Variants in LRRC4C observed in about 807,000 individuals in gnomAD.
The protein encoded by LRRC4C is leucine rich repeat containing 4C.
In LRRC4C, 5 loss-of-function variants were observed where a neutral mutation model predicts 33.6. The observed-to-expected ratio is 0.15, with a 90% CI of 0.08 to 0.31. The LOEUF is 0.31. Among genes scored for constraint, LRRC4C ranks in the 10% least tolerant of loss-of-function variants. LRRC4C has a pLI of 1.00. For synonymous variants in LRRC4C, 329 were observed against 302.0 expected, an observed-to-expected ratio of 1.09 and a Z score of -0.93; for missense variants, 560 against 796.7, an observed-to-expected ratio of 0.70 and a Z score of 3.58.
rs113384392 is a variant in LRRC4C, at chr11:40,135,029, C to T, written c.-43+5772G>A. Among the ~76,000 whole-genome samples, 1,294 of 152,216 alleles carry T rather than the reference C, an allele frequency of 8.5e-3. 19 individuals are homozygous for T. The highest frequency in any genetic ancestry group is 0.029 in the African/African-American group (1,211 of 41,528). On this transcript the variant is annotated intron_variant, in intron 6 of 6. Transcript: ENST00000528697. ...GACTCTTTCTGTGATTTCCAGGCAA[C>T]GTCATTTAATCAGAATGCAGATAGC... is the stretch of plus-strand genomic sequence containing the variant.
intron 5 of LRRC4C, among the ~76,000 whole-genome samples, chr11:40,171,667 C>A (rs569825768): frequency 6.6e-6 from 1 of 152,108 alleles, no homozygotes; most frequent in Non-Finnish European, 1.5e-5. Context: ...ACACTATATG[C>A]GGCAGAAGGA....
intron 1 of LRRC4C, among the ~76,000 whole-genome samples, chr11:41,243,753 A>G (rs1285265684): frequency 6.6e-6 from 1 of 152,126 alleles, no homozygotes; most frequent in African/African-American, 2.4e-5. Flanking sequence ...AAGTTTTCTG[A>G]AAGAATTTGG....
At chr11:41,096,414 A>G (rs1467745862) in intron 1 of LRRC4C, among the ~76,000 whole-genome samples, 1 of 152,200 alleles carries the variant, frequency 6.6e-6, no homozygotes, top group African/African-American at 2.4e-5. Context: ...AGAGCCATCA[A>G]TCCCATCAGA....
chr11:40,945,801 A>G (rs11036154), intron 1 of LRRC4C, among the ~76,000 whole-genome samples: 6 of 151,946 alleles, frequency 3.9e-5, no homozygotes, highest in Non-Finnish European at 7.4e-5. Flanking sequence ...AGTACAAACC[A>G]CACCATCAGA....
At chr11:41,345,930 A>G (rs932418157) in intron 1 of LRRC4C, among the ~76,000 whole-genome samples, 3 of 152,010 alleles carry the variant, frequency 2.0e-5, no homozygotes, top group Admixed American at 6.6e-5. Context: ...AAAAATGAAG[A>G]GTGAGCTTAA....
chr11:40,555,930 C>A (rs563057453), intron 3 of LRRC4C, among the ~76,000 whole-genome samples: 1 of 152,002 alleles, frequency 6.6e-6, no homozygotes, highest in Non-Finnish European at 1.5e-5. Context: ...TTTCAATGTT[C>A]CTTATTTTAT....
intron 3 of LRRC4C, among the ~76,000 whole-genome samples, chr11:40,432,365 TATA>T (rs1317945671): frequency 6.6e-6 from 1 of 152,206 alleles, no homozygotes; most frequent in Non-Finnish European, 1.5e-5. Flanking sequence ...ACTCACAGTA[TATA>T]ATGTTATAAC....
At chr11:40,297,240 G>C (rs964527662) in intron 4 of LRRC4C, among the ~76,000 whole-genome samples, 1 of 152,114 alleles carries the variant, frequency 6.6e-6, no homozygotes, top group African/African-American at 2.4e-5. Context: ...CATACTTAAA[G>C]TTTGTGTCTT....
chr11:41,239,240 T>A lies in LRRC4C; in HGVS notation c.-496+220191A>T, dbSNP rs1429774394. Among the ~76,000 whole-genome samples, 4 of 134,674 alleles carry A rather than the reference T, an allele frequency of 3.0e-5. 1 individual carries two copies. In the South Asian group the frequency reaches 9.4e-4, roughly 32 times the overall value. 88.4% of individuals were successfully genotyped at this position (134,674 alleles called of 152,430 possible). A position where few individuals can be genotyped will look rare whatever the true frequency, so the allele number is the denominator to read the frequency against. ...GGGAGGCTGAGGCAGGAGAATGGCA[T>A]GAACCCAAGAGGCGGAGCTTGCAGT... On this transcript the variant is annotated intron_variant, in intron 1 of 6. Coordinates refer to ENST00000528697, the MANE Select transcript of LRRC4C (RefSeq NM_001258419.2).
At chr11:40,587,185 C>T (rs981103422) in intron 3 of LRRC4C, among the ~76,000 whole-genome samples, 82 of 151,936 alleles carry the variant, frequency 5.4e-4, no homozygotes, top group South Asian at 8.4e-4. Flanking sequence ...TGAAGAGGTC[C>T]TTCACTTCCC....
chr11:40,152,943 C>T (rs1474591078), intron 5 of LRRC4C, among the ~76,000 whole-genome samples: 1 of 152,160 alleles, frequency 6.6e-6, no homozygotes, highest in Non-Finnish European at 1.5e-5. Flanking sequence ...ACCACAGCTG[C>T]TGCTTTCTGG....
At chr11:40,386,259 A>G (rs1433762181) in intron 3 of LRRC4C, among the ~76,000 whole-genome samples, 1 of 151,910 alleles carries the variant, frequency 6.6e-6, no homozygotes, top group East Asian at 1.9e-4. Flanking sequence ...TAGATCTCAC[A>G]TTTGACAAAA....
At chr11:41,335,627 C>A (rs1234692382) in intron 1 of LRRC4C, among the ~76,000 whole-genome samples, 1 of 152,042 alleles carries the variant, frequency 6.6e-6, no homozygotes, top group East Asian at 1.9e-4. Flanking sequence ...TACTAATTGC[C>A]TATCATATAT....
chr11:40,513,694 G>A (rs1023446670), intron 3 of LRRC4C, among the ~76,000 whole-genome samples: 12 of 152,096 alleles, frequency 7.9e-5, no homozygotes, highest in Non-Finnish European at 1.8e-4. Context: ...TCCTCCTGAA[G>A]GATACTTTAC....
At chr11:41,077,079 G>C (rs770476164) in intron 1 of LRRC4C, among the ~76,000 whole-genome samples, 3 of 152,216 alleles carry the variant, frequency 2.0e-5, no homozygotes, top group African/African-American at 7.2e-5. Flanking sequence ...GGGCTCACAT[G>C]CCCTTGTGCA....
At chr11:40,343,771 A>T (rs1946990438) in intron 3 of LRRC4C, among the ~76,000 whole-genome samples, 1 of 151,900 alleles carries the variant, frequency 6.6e-6, no homozygotes. Context: ...TAAAGAACAA[A>T]AAGAGAGAAG....
chr11:40,722,398 A>G (rs1369492555), intron 2 of LRRC4C, among the ~76,000 whole-genome samples: 2 of 152,134 alleles, frequency 1.3e-5, no homozygotes, highest in Non-Finnish European at 2.9e-5. Context: ...CTACTGGACG[A>G]CAGCCTGAAT....
intron 6 of LRRC4C, among the ~76,000 whole-genome samples, chr11:40,131,415 T>TA (rs1856635800): frequency 6.6e-6 from 1 of 152,088 alleles, no homozygotes; most frequent in Non-Finnish European, 1.5e-5. Context: ...CGGTTTAGGG[T>TA]AAAAATCTAT....
chr11:41,143,128 A>G (rs1294916524), intron 1 of LRRC4C, among the ~76,000 whole-genome samples: 6 of 152,132 alleles, frequency 3.9e-5, no homozygotes, highest in African/African-American at 1.2e-4. Context: ...CCTTCTATGG[A>G]AAGTGCCACA....
Sources: gnomAD v4.1 joint callset for allele counts (sites outside exome capture counted in the v4.1 genomes callset) on GRCh38, gnomAD v4.1.1 for gene constraint, MANE v1.5 for transcripts, NCBI Gene and HGNC (gene_info 2026-07-23, HGNC 2026-07-21) for gene names.